Variants in C1orf198 observed in about 807,000 individuals in gnomAD.
The protein encoded by C1orf198 is uncharacterized protein C1orf198.
C1orf198 carries 17 observed loss-of-function variants against 31.4 expected under a neutral mutation model. The observed-to-expected ratio is 0.54, with a 90% CI of 0.37 to 0.81. The LOEUF is 0.81. C1orf198 is among the 40% of genes least tolerant of loss of function. The pLI, the probability that C1orf198 is intolerant of heterozygous loss-of-function variation, is 0.00. For synonymous variants in C1orf198, 175 were observed against 193.8 expected (o/e 0.90, Z 0.81); for missense variants, 401 against 450.3 (o/e 0.89, Z 0.99).
rs1669350326 is a variant in C1orf198, at chr1:230,838,201, T to C, written c.*1651A>G. The stretch of plus-strand genomic sequence containing the variant: ...TGGGATTTCTAAGCTCCTTTTTCCC[T>C]CACCACCATGCTGAAACCTTTTTTT... On this transcript the variant is annotated 3_prime_UTR_variant, in exon 4 of 4. Transcript: ENST00000366663. This position sits in a 1 kb window ranked among gnomAD's most constrained non-coding sequence, Gnocchi z 4.2. The C allele has an allele frequency of 6.6e-6, 1 of 152,228 alleles. No individual in the cohort carries two copies. The highest frequency in any genetic ancestry group is 2.4e-5 in the African/African-American group (1 of 41,452). 9.4% of individuals were successfully genotyped at this position (152,228 alleles called of 1,614,324 possible). A position where few individuals can be genotyped will look rare whatever the true frequency, so the allele number is the denominator to read the frequency against.
chr1:230,844,918 A>T (rs1002460155), intron 2 of C1orf198, among the ~76,000 whole-genome samples: 13 of 152,208 alleles, frequency 8.5e-5, no homozygotes, highest in Admixed American at 7.9e-4. Flanking sequence ...AAATCATTAC[A>T]TGGCAACCTA....
At chr1:230,854,395 T>C (rs1185719515) in intron 2 of C1orf198, among the ~76,000 whole-genome samples, 2 of 152,198 alleles carry the variant, frequency 1.3e-5, no homozygotes, top group East Asian at 1.9e-4. Flanking sequence ...CACTTATGAC[T>C]TCCTTTGCAA....
chr1:230,868,534 C>A, upstream of C1orf198: 1 of 1,267,554 alleles, frequency 7.9e-7, no homozygotes, highest in Non-Finnish European at 1.0e-6. Flanking sequence ...CCGCCGCTCC[C>A]GGCCCGCGCC....
In C1orf198 at chr1:230,843,285, G is replaced by A; in HGVS notation, c.927+69C>T. ...CACCTGTGGCCTGCCTGCTTTGTGG[G>A]GGACCCTCTCGGTTCCCGTGGAATA... On this transcript the variant is annotated intron_variant, in intron 3 of 3. Transcript: ENST00000366663. The surrounding 1 kb of genome is among the most constrained non-coding windows in gnomAD (Gnocchi z 4.9). The A allele has an allele frequency of 6.6e-7, 1 of 1,506,084 alleles. No individual in the cohort carries two copies. Among genetic ancestry groups the A allele is most frequent in the Non-Finnish European group, 8.9e-7 (1 of 1,120,732 alleles). The allele number at this position is 1,506,084 out of a possible 1,614,324, so 93.3% of individuals were successfully genotyped here. A position where few individuals can be genotyped will look rare whatever the true frequency, so the allele number is the denominator to read the frequency against.
intron 1 of C1orf198, among the ~76,000 whole-genome samples, chr1:230,867,923 T>C (rs947385761): frequency 7.9e-5 from 12 of 152,292 alleles, no homozygotes; most frequent in African/African-American, 2.9e-4. Context: ...CTGGAGTCCG[T>C]GCGAGCCGGC....
intron 1 of C1orf198, among the ~76,000 whole-genome samples, chr1:230,865,846 T>A (rs766244921): frequency 6.6e-6 from 1 of 152,232 alleles, no homozygotes; most frequent in Admixed American, 6.5e-5. Context: ...TGTATTTGCA[T>A]GCTCTGACTT....
At chr1:230,844,932 C>T (rs1205289772) in intron 2 of C1orf198, among the ~76,000 whole-genome samples, 1 of 152,206 alleles carries the variant, frequency 6.6e-6, no homozygotes, top group Non-Finnish European at 1.5e-5. Flanking sequence ...CAACCTAAAC[C>T]TCCTCTTTGG....
At chr1:230,867,284 C>A (rs950910444) in intron 1 of C1orf198, among the ~76,000 whole-genome samples, 3 of 152,192 alleles carry the variant, frequency 2.0e-5, no homozygotes, top group Non-Finnish European at 4.4e-5. Context: ...AAACACATTT[C>A]TAAGAAAAAG....
At chr1:230,841,104 G>T (rs563071575) in intron 3 of C1orf198, among the ~76,000 whole-genome samples, 1 of 152,350 alleles carries the variant, frequency 6.6e-6, no homozygotes, top group African/African-American at 2.4e-5. Flanking sequence ...GAGTCTCAGA[G>T]AAAGAGTGCT....
chr1:230,857,335 G>A lies in C1orf198; in HGVS notation c.334-1617C>T, dbSNP rs114080462. Among the ~76,000 whole-genome samples the A allele has an allele frequency of 1.0e-2, 1,518 of 152,294 alleles. 17 individuals carry two copies. Among genetic ancestry groups the A allele is most frequent in the African/African-American group, 0.035 (1,457 of 41,550 alleles). On this transcript the variant is annotated intron_variant, in intron 1 of 3. Transcript: ENST00000366663. The surrounding 1 kb of genome is among the most constrained non-coding windows in gnomAD (Gnocchi z 4.2). The stretch of plus-strand genomic sequence containing the variant: ...GGAAGACTCAGCGACTGCCCGTAGC[G>A]GACGCTTACTCACTCTTTGAGAATA...
chr1:230,868,660 C>A, upstream of C1orf198: 1 of 583,694 alleles, frequency 1.7e-6, no homozygotes, highest in Non-Finnish European at 2.2e-6. Flanking sequence ...CCCAGCTCCC[C>A]AAGCCCCGGG....
At chr1:230,862,269 CCCAACCACAGCT>C (rs1489530261) in intron 1 of C1orf198, among the ~76,000 whole-genome samples, 4 of 152,240 alleles carry the variant, frequency 2.6e-5, no homozygotes, top group African/African-American at 9.6e-5. Context: ...CTGAGGGCCT[CCCAACCACAGCT>C]CCATGCACAA....
chr1:230,866,086 T>C (rs1670113661), intron 1 of C1orf198, among the ~76,000 whole-genome samples: 1 of 152,178 alleles, frequency 6.6e-6, no homozygotes, highest in Non-Finnish European at 1.5e-5. Flanking sequence ...TTCAGCAGCC[T>C]ATCCTGTCCT....
At chr1:230,866,818 A>G (rs1414838311) in intron 1 of C1orf198, among the ~76,000 whole-genome samples, 2 of 152,210 alleles carry the variant, frequency 1.3e-5, no homozygotes, top group African/African-American at 2.4e-5. Flanking sequence ...AGCTCTAGGA[A>G]TACATTTTAA....
intron 2 of C1orf198, among the ~76,000 whole-genome samples, chr1:230,847,145 G>A (rs916413631): frequency 1.4e-4 from 20 of 143,448 alleles, no homozygotes; most frequent in African/African-American, 3.4e-4. Flanking sequence ...CGGGCATGGC[G>A]ACGCATGCCT....
intron 1 of C1orf198, among the ~76,000 whole-genome samples, chr1:230,865,010 C>G (rs1020997331): frequency 6.6e-6 from 1 of 152,168 alleles, no homozygotes; most frequent in Non-Finnish European, 1.5e-5. Context: ...AATCAAGCAG[C>G]GTGGGTGAAA....
In C1orf198 at chr1:230,843,720, T is replaced by TTCC. The variant is rs1669511575; in HGVS notation, c.558_560dup (p.Glu187dup). On this transcript the variant is annotated inframe_insertion, in exon 3 of 4. Transcript: ENST00000366663. The surrounding 1 kb of genome is among the most constrained non-coding windows in gnomAD (Gnocchi z 4.9). ...CAGCATTGATCTTCCAGAATGACGCTTCCTCCTCCTTCCTGGTGGGGCCCA... is the reference window on the plus strand; with the variant it reads ...CAGCATTGATCTTCCAGAATGACGCTTCCTCCTCCTCCTTCCTGGTGGGGCCCA... 9 of 1,614,154 alleles carry TTCC rather than the reference T, an allele frequency of 5.6e-6. No individual in the cohort carries two copies. The highest frequency in any genetic ancestry group is 7.6e-6 in the Non-Finnish European group (9 of 1,180,012).
intron 1 of C1orf198, 143 bp downstream of exon 1, chr1:230,868,037 C>A: frequency 1.8e-5 from 15 of 812,000 alleles, no homozygotes; most frequent in Non-Finnish European, 2.6e-5. Flanking sequence ...CTCTGGGGCT[C>A]CCCTCCCACC....
At chr1:230,864,322 G>A (rs1670065341) in intron 1 of C1orf198, among the ~76,000 whole-genome samples, 1 of 152,216 alleles carries the variant, frequency 6.6e-6, no homozygotes. Context: ...AGCGGGTGTA[G>A]CAGCTCAGCA....
Sources: gnomAD v4.1 joint callset for allele counts (sites outside exome capture counted in the v4.1 genomes callset) on GRCh38, gnomAD v4.1.1 for gene constraint, Gnocchi (gnomAD v3.1) non-coding constraint, MANE v1.5 for transcripts, NCBI Gene and HGNC (gene_info 2026-07-23, HGNC 2026-07-21) for gene names.